Variants in MOV10L1 observed in about 807,000 individuals in gnomAD.
MOV10L1 encodes RNA helicase Mov10l1.
MOV10L1 carries 110 observed loss-of-function variants against 143.8 expected under a neutral mutation model. The observed-to-expected ratio is 0.76, with a 90% CI of 0.66 to 0.90. MOV10L1 has a LOEUF of 0.90. MOV10L1 is among the 40% of genes least tolerant of loss of function. MOV10L1 has a pLI of 0.00. For synonymous variants in MOV10L1, 593 were observed against 581.1 expected (o/e 1.02, Z -0.29); for missense variants, 1,406 against 1,526.8 (o/e 0.92, Z 1.32).
rs190988316 is a variant in MOV10L1 at position 50,107,656 on chromosome 22, G to A, written c.443-480G>A. Among the ~76,000 whole-genome samples, 7 of 152,292 alleles carry A rather than the reference G, an allele frequency of 4.6e-5. No individual in the cohort carries two copies. The East Asian group carries it at 9.6e-4, about 21-fold the overall frequency. On this transcript the variant is annotated intron_variant, in intron 3 of 26. Transcript: ENST00000262794. ...TTCCACCAGCTGCGGGAGGCCCAGC[G>A]GTGTCTTGCGTCCGGCAGGCCATGG...
chr22:50,139,329 AT>A (rs374264497), intron 15 of MOV10L1, among the ~76,000 whole-genome samples: 1 of 151,482 alleles, frequency 6.6e-6, no homozygotes, highest in Non-Finnish European at 1.5e-5. Context: ...TTGGGCAAGG[AT>A]TTTTTTTTAT....
chr22:50,118,075 ATAC>A (rs1052228573), intron 9 of MOV10L1, among the ~76,000 whole-genome samples: 27 of 152,146 alleles, frequency 1.8e-4, no homozygotes, highest in African/African-American at 6.3e-4. Flanking sequence ...CACTTTTCTA[ATAC>A]TGAAAGATTC....
At chr22:50,106,761 G>C (rs1392163349) in intron 3 of MOV10L1, among the ~76,000 whole-genome samples, 1 of 149,490 alleles carries the variant, frequency 6.7e-6, no homozygotes, top group Non-Finnish European at 1.5e-5. Context: ...GAGTGCAGTG[G>C]CTCAATCTCG....
chr22:50,122,775 T>C (rs1262766725), intron 10 of MOV10L1, among the ~76,000 whole-genome samples: 1 of 117,522 alleles, frequency 8.5e-6, no homozygotes. Context: ...TTTCTCTTTT[T>C]TATTTATTTA....
At chr22:50,137,876 ATATTT>A (rs915727103) in intron 15 of MOV10L1, among the ~76,000 whole-genome samples, 10 of 148,262 alleles carry the variant, frequency 6.7e-5, no homozygotes, top group African/African-American at 2.5e-4. Flanking sequence ...ATATACACAC[ATATTT>A]TATATACACA....
Position 50,158,177 on chromosome 22 carries a change from A to G in MOV10L1, c.3187A>G (p.Ile1063Val). ...CTCCAGTCAGGTGTCTGCCAGCGACATTGGCGTCATCACGCCCTACCGGAA... is the reference window on the plus strand; with the variant it reads ...CTCCAGTCAGGTGTCTGCCAGCGACGTTGGCGTCATCACGCCCTACCGGAA... ...SISSQVSASD[I>V]GVITPYRKQV... The change falls in exon 23 of 27, where the codon ATT becomes GTT. Residue 1063 changes from isoleucine (I) to valine (V), a missense_variant. This residue lies in a region of MOV10L1 where 1,233 missense variants were observed against 1,351.4 expected (regional missense o/e 0.91). Coordinates refer to ENST00000262794, the MANE Select transcript of MOV10L1 (RefSeq NM_018995.3). This position sits in a 1 kb window ranked among gnomAD's most constrained non-coding sequence, Gnocchi z 5.0. 2.5e-6 allele frequency: 4 copies of G among 1,614,118 alleles called. No homozygotes were observed. Among genetic ancestry groups the G allele is most frequent in the Non-Finnish European group, 3.4e-6 (4 of 1,180,038 alleles).
rs937202149 is a variant in MOV10L1 at position 50,126,290 on chromosome 22, T to C, written c.1818+18T>C. 1.3e-6 allele frequency: 2 copies of C among 1,593,224 alleles called. No homozygotes were observed. Among genetic ancestry groups the C allele is most frequent in the African/African-American group, 1.3e-5 (1 of 74,538 alleles). ...TGACTGAGGTGAGAGCACTCTCTCT[T>C]AATGAGTTTGTGTTAGACACACCCT... On this transcript the variant is annotated intron_variant, in intron 12 of 26. Coordinates refer to ENST00000262794, the MANE Select transcript of MOV10L1 (RefSeq NM_018995.3).
intron 13 of MOV10L1, among the ~76,000 whole-genome samples, chr22:50,131,319 C>T (rs368884378): frequency 1.3e-5 from 2 of 152,096 alleles, no homozygotes; most frequent in African/African-American, 4.8e-5. Context: ...ATTGAGTTTG[C>T]AGAGATGTTT....
chr22:50,106,443 T>C (rs1345505711), intron 3 of MOV10L1, among the ~76,000 whole-genome samples: 5 of 151,284 alleles, frequency 3.3e-5, no homozygotes. Flanking sequence ...TAGAAATCTT[T>C]ACTATGATTC....
chr22:50,159,770 C>A lies in MOV10L1; in HGVS notation c.3309C>A (p.Val1103=). Residue 1103 remains valine, a synonymous_variant, in exon 24 of 27, where the codon GTC becomes GTA. Coordinates refer to ENST00000262794, the MANE Select transcript of MOV10L1 (RefSeq NM_018995.3). This position sits in a 1 kb window ranked among gnomAD's most constrained non-coding sequence, Gnocchi z 4.1. ...AGTTTCAAGGACAAGAGTATCTGGT[C>A]ATCATCATTTCGACCGTAGGTATCC... The part of the protein sequence containing the change: ...VEEFQGQEYL[V]IIISTVRSNE... 1.2e-6 allele frequency: 2 copies of A among 1,610,154 alleles called. No individual in the cohort carries two copies. The highest frequency in any genetic ancestry group is 2.2e-5 in the South Asian group (2 of 90,770).
In MOV10L1 at chr22:50,134,432, A is replaced by G. The variant is rs878925172; in HGVS notation, c.1970-98A>G. The stretch of plus-strand genomic sequence containing the variant: ...GCAGGTTAAGAAAGGAAGGGAATAG[A>G]ATATTAATTGCTTTAGGGTCAGCCA... On this transcript the variant is annotated intron_variant, in intron 14 of 26. Transcript: ENST00000262794. The G allele has an allele frequency of 7.8e-6, 7 of 897,348 alleles. No individual in the cohort carries two copies. The South Asian group carries it at 9.4e-5, about 12-fold the overall frequency. The allele number at this position is 897,348 out of a possible 1,614,324, so 55.6% of individuals were successfully genotyped here. A position where few individuals can be genotyped will look rare whatever the true frequency, so the allele number is the denominator to read the frequency against.
At position 50,090,159 on chromosome 22, in the gene MOV10L1, G is replaced by A. The variant is rs1422382989; in HGVS notation, c.71G>A (p.Gly24Glu). The A allele has an allele frequency of 2.1e-6, 3 of 1,420,970 alleles. No homozygotes were observed. The highest frequency in any genetic ancestry group is 2.8e-6 in the Non-Finnish European group (3 of 1,089,336). The allele number at this position is 1,420,970 out of a possible 1,614,324, so 88.0% of individuals were successfully genotyped here. A position where few individuals can be genotyped will look rare whatever the true frequency, so the allele number is the denominator to read the frequency against. ...GCGGACACCCCTAGGGAGGAAGCCG[G>A]GCAGCTGGAGCCCGAGCTCGCGGAA... ...RTADTPREEA[G>E]QLEPELAEGD... The change falls in exon 1 of 27, where the codon GGG becomes GAG. Residue 24 changes from glycine (G) to glutamate (E), a missense_variant. Transcript: ENST00000262794.
In MOV10L1 at chr22:50,160,992, A is replaced by G. The variant is rs1471701909; in HGVS notation, c.3491A>G (p.Tyr1164Cys). Residue 1164 changes from tyrosine (Y) to cysteine (C), a missense_variant, in exon 26 of 27, where the codon TAC becomes TGC. By Grantham distance (194) the Tyr-to-Cys change is radical. This residue lies in a region of MOV10L1 where 1,233 missense variants were observed against 1,351.4 expected (regional missense o/e 0.91). Transcript: ENST00000262794. ...RDPCFGALLE[Y>C]SITNGVYMGC... Reference sequence around the variant, plus strand: ...CCCTGTTTTGGTGCTTTGCTGGAATACAGTATTACAAACGGTGTTTACATG... The same window carrying G: ...CCCTGTTTTGGTGCTTTGCTGGAATGCAGTATTACAAACGGTGTTTACATG... 6.2e-7 allele frequency: 1 copy of G among 1,614,146 alleles called. No individual in the cohort carries two copies. The highest frequency in any genetic ancestry group is 1.6e-4 in the Middle Eastern group (1 of 6,062).
At chr22:50,123,390 G>A (rs2062407894) in intron 10 of MOV10L1, among the ~76,000 whole-genome samples, 2 of 151,602 alleles carry the variant, frequency 1.3e-5, no homozygotes, top group Admixed American at 1.3e-4. Context: ...TTTGAGACAG[G>A]GTCTCACTGT....
In MOV10L1 at chr22:50,128,503, A is replaced by C. The variant is rs754074193; in HGVS notation, c.1906A>C (p.Asn636His). The C allele has an allele frequency of 5.6e-6, 8 of 1,440,878 alleles. No individual in the cohort carries two copies. The East Asian group carries it at 1.8e-4, about 33-fold the overall frequency. 89.3% of individuals were successfully genotyped at this position (1,440,878 alleles called of 1,614,324 possible). The change falls in exon 13 of 27, where the codon AAT becomes CAT. Residue 636 changes from asparagine (N) to histidine (H), a missense_variant. Around this residue, in one of 3 missense-constraint regions of MOV10L1, gnomAD observed 1,233 missense variants for 1,351.4 expected, o/e 0.91. Transcript: ENST00000262794. The stretch of plus-strand genomic sequence containing the variant: ...ACCTATGGATGTGGAATTTACATAT[A>C]ATAGGTAATGCTTTTAGTGAGTCTT... ...FEPMDVEFTY[N>H]RTTSRRCHFA...
intron 3 of MOV10L1, among the ~76,000 whole-genome samples, chr22:50,102,760 G>T (rs1208357455): frequency 1.3e-5 from 2 of 152,156 alleles, no homozygotes; most frequent in African/African-American, 4.8e-5. Flanking sequence ...AATTAGCTGG[G>T]CGTGGTGGTG....
chr22:50,142,289 T>TA (rs1203948524), intron 16 of MOV10L1, 100 bp downstream of exon 16: 48 of 879,634 alleles, frequency 5.5e-5, no homozygotes, highest in Non-Finnish European at 7.9e-5. Context: ...GGAAGAACAG[T>TA]AGGGGGCGTG....
In MOV10L1 at chr22:50,092,263, C is replaced by G. The variant is rs1164101451; in HGVS notation, c.282+78C>G. The G allele has an allele frequency of 2.3e-6, 3 of 1,315,710 alleles. No homozygotes were observed. In the Admixed American group the frequency reaches 5.8e-5, roughly 25 times the overall value. 81.5% of individuals were successfully genotyped at this position (1,315,710 alleles called of 1,614,324 possible). A position where few individuals can be genotyped will look rare whatever the true frequency, so the allele number is the denominator to read the frequency against. ...TTGTTTTTCCTTGTGTTTAATCTATCAGACATGACCCGGCCAAGGGAGAAA... is the reference window on the plus strand; with the variant it reads ...TTGTTTTTCCTTGTGTTTAATCTATGAGACATGACCCGGCCAAGGGAGAAA... On this transcript the variant is annotated intron_variant, in intron 2 of 26. Coordinates refer to ENST00000262794, the MANE Select transcript of MOV10L1 (RefSeq NM_018995.3).
chr22:50,098,758 G>A (rs2062660923), intron 2 of MOV10L1, among the ~76,000 whole-genome samples: 1 of 152,166 alleles, frequency 6.6e-6, no homozygotes, highest in South Asian at 2.1e-4. Flanking sequence ...CCTGATCTTA[G>A]GGGAAAGCTT....
Sources: allele counts gnomAD v4.1 joint callset (sites outside exome capture counted in the v4.1 genomes callset), GRCh38; gene constraint gnomAD v4.1.1; regional missense constraint gnomAD v4.1.1; non-coding constraint Gnocchi (gnomAD v3.1); transcripts MANE v1.5; gene names NCBI Gene and HGNC (gene_info 2026-07-23, HGNC 2026-07-21).